The following WSCD1 variants were observed in gnomAD, a reference collection of about 807,000 sequenced individuals.
WSCD1 encodes the protein sialate:O-sulfotransferase 1.
In WSCD1, 41 loss-of-function variants were observed where a neutral mutation model predicts 60.4. The ratio of observed to expected loss-of-function variants is 0.68; its 90% CI spans 0.53 to 0.88. The LOEUF is 0.88. WSCD1 is among the 40% of genes least tolerant of loss of function. The pLI, the probability that WSCD1 is intolerant of heterozygous loss-of-function variation, is 0.00. For synonymous variants in WSCD1, 361 were observed against 332.5 expected, an observed-to-expected ratio of 1.09 and a Z score of -0.93; for missense variants, 784 against 796.2, an observed-to-expected ratio of 0.98 and a Z score of 0.18.
chr17:6,102,442 A>G (rs1452891588), intron 5 of WSCD1, among the ~76,000 whole-genome samples: 3 of 152,350 alleles, frequency 2.0e-5, no homozygotes, highest in Non-Finnish European at 2.9e-5. Context: ...TCCAAGAGCT[A>G]TTGGATATGC....
intron 7 of WSCD1, among the ~76,000 whole-genome samples, chr17:6,114,442 G>A (rs1911586857): frequency 6.6e-6 from 1 of 151,878 alleles, no homozygotes; most frequent in Non-Finnish European, 1.5e-5. Flanking sequence ...TAGCACTGTA[G>A]GGTGACTACA....
rs193071009 is a variant in WSCD1 at position 6,120,919 on chromosome 17, G to A, written c.*258G>A. The A allele has an allele frequency of 1.3e-4, 70 of 520,300 alleles. No homozygotes were observed. Among genetic ancestry groups the A allele is most frequent in the East Asian group, 6.4e-4 (20 of 31,062 alleles). The allele number at this position is 520,300 out of a possible 1,614,324, so 32.2% of individuals were successfully genotyped here. On this transcript the variant is annotated 3_prime_UTR_variant, in exon 9 of 9. Coordinates refer to ENST00000317744, the MANE Select transcript of WSCD1 (RefSeq NM_015253.2). ...GACACCACTCCAGGCTCATAGCCCC[G>A]TCTTGATGCAGAGAAGCCACCCACG... is the stretch of plus-strand genomic sequence containing the variant.
chr17:6,109,357 A>G (rs183549365), intron 5 of WSCD1, among the ~76,000 whole-genome samples: 4 of 152,292 alleles, frequency 2.6e-5, no homozygotes, highest in Non-Finnish European at 2.9e-5. Flanking sequence ...TTGTCAAGGA[A>G]CCAACCAAGT....
At chr17:6,119,949 T>G (rs1409865498) in intron 8 of WSCD1, among the ~76,000 whole-genome samples, 3 of 152,226 alleles carry the variant, frequency 2.0e-5, no homozygotes, top group Non-Finnish European at 4.4e-5. Context: ...ACCCCGTCTG[T>G]GGCTTCACTG....
chr17:6,086,117 C>G (rs1300974582), intron 2 of WSCD1, among the ~76,000 whole-genome samples: 2 of 151,764 alleles, frequency 1.3e-5, no homozygotes, highest in African/African-American at 4.8e-5. Flanking sequence ...GTCCGAGGGT[C>G]TCCTGGGTCC....
Position 6,120,371 on chromosome 17 carries a change from A to G in WSCD1, c.1438A>G (p.Lys480Glu). The G allele has an allele frequency of 5.0e-6, 8 of 1,614,088 alleles. No homozygotes were observed. The highest frequency in any genetic ancestry group is 1.6e-4 in the Middle Eastern group (1 of 6,062). ...GTCCTCGCACGTCCTGGACTGGCTC[A>G]AGTACGGGAAGCGGCTGCTGGTGGT... ...WWSSHVLDWL[K>E]YGKRLLVVHY... is the part of the protein sequence containing the mutation. Residue 480 changes from lysine to glutamate, a missense_variant, in exon 9 of 9, where the codon AAG becomes GAG. Coordinates refer to ENST00000317744, the MANE Select transcript of WSCD1 (RefSeq NM_015253.2).
At position 6,110,771 on chromosome 17, in the gene WSCD1, A is replaced by G. The variant is rs1235995570; in HGVS notation, c.1010A>G (p.Asp337Gly). ...YCEVYQTPVQDTRCTDRRFLP... is the reference protein window; with the variant it reads ...YCEVYQTPVQGTRCTDRRFLP... Reference sequence around the variant, plus strand: ...CCCGTGATGACTTTTGGACTTTCAGACACTCGTTGTACAGACAGGAGGTTC... The same window carrying G: ...CCCGTGATGACTTTTGGACTTTCAGGCACTCGTTGTACAGACAGGAGGTTC... Residue 337 changes from aspartate (D) to glycine (G), a missense_variant and splice_region_variant, in exon 7 of 9, where the codon GAC (aspartate) becomes GGC (glycine). Asp to Gly is a moderately conservative substitution (Grantham distance 94, BLOSUM62 -1). Transcript: ENST00000317744. This position sits in a 1 kb window ranked among gnomAD's most constrained non-coding sequence, Gnocchi z 4.8. The G allele has an allele frequency of 1.9e-6, 3 of 1,607,702 alleles. No homozygotes were observed. Among genetic ancestry groups the G allele is most frequent in the Non-Finnish European group, 2.6e-6 (3 of 1,175,118 alleles).
intron 1 of WSCD1, among the ~76,000 whole-genome samples, chr17:6,074,647 A>G (rs1908737515): frequency 6.6e-6 from 1 of 152,222 alleles, no homozygotes; most frequent in African/African-American, 2.4e-5. Flanking sequence ...GCTTCATGGA[A>G]GAGGAGGCAT....
rs1409967491 is a variant in WSCD1, at chr17:6,118,100, G to A, written c.1287G>A (p.Arg429=). Residue 429 remains arginine (R), a synonymous_variant, in exon 8 of 9, where the codon CGG becomes CGA. Coordinates refer to ENST00000317744, the MANE Select transcript of WSCD1 (RefSeq NM_015253.2). This position sits in a 1 kb window ranked among gnomAD's most constrained non-coding sequence, Gnocchi z 5.8. ...EMFDSAILLI[R]NPYRSLVAEF... is the part of the protein sequence containing the mutation. ...TTGATTCAGCCATCCTGCTAATCCG[G>A]AACCCATACAGGTCCCTGGTGGCAG... The A allele has an allele frequency of 6.2e-7, 1 of 1,614,054 alleles. No individual in the cohort carries two copies. The highest frequency in any genetic ancestry group is 8.5e-7 in the Non-Finnish European group (1 of 1,180,040).
chr17:6,077,413 G>A (rs1437939117), intron 1 of WSCD1, among the ~76,000 whole-genome samples: 2 of 152,076 alleles, frequency 1.3e-5, no homozygotes, highest in African/African-American at 2.4e-5. Context: ...CAGTCTACCC[G>A]CAATGAGTTT....
chr17:6,098,033 C>T (rs557080494), intron 5 of WSCD1, among the ~76,000 whole-genome samples: 2 of 151,426 alleles, frequency 1.3e-5, no homozygotes, highest in Admixed American at 6.6e-5. Flanking sequence ...TCACTGTAGC[C>T]TCTGGCTCCT....
intron 7 of WSCD1, among the ~76,000 whole-genome samples, chr17:6,113,785 A>C (rs7216388): frequency 0.86 from 131,393 of 152,168 alleles, 58,108 homozygotes; most frequent in East Asian, 0.99. Context: ...CAAAACCACA[A>C]TGAGATATCA....
Position 6,118,060 on chromosome 17 carries a change from G to A in WSCD1, c.1247G>A (p.Arg416Lys). ...GTCAAAACCCACGAGAGTGGCAGGA[G>A]GGAGATTGAGATGTTTGATTCAGCC... ...ICVKTHESGR[R>K]EIEMFDSAIL... The change falls in exon 8 of 9, where the codon AGG (arginine) becomes AAG (lysine). Residue 416 changes from arginine (R) to lysine (K), a missense_variant. Physicochemically the swap from Arg to Lys is conservative, Grantham distance 26. Transcript: ENST00000317744. This position sits in a 1 kb window ranked among gnomAD's most constrained non-coding sequence, Gnocchi z 5.8. 1 of 1,614,210 alleles carries A rather than the reference G, an allele frequency of 6.2e-7. No homozygotes were observed. Among genetic ancestry groups the A allele is most frequent in the African/African-American group, 1.3e-5 (1 of 75,050 alleles).
intron 1 of WSCD1, among the ~76,000 whole-genome samples, chr17:6,074,471 G>A (rs1360351955): frequency 6.6e-6 from 1 of 152,248 alleles, no homozygotes; most frequent in African/African-American, 2.4e-5. Flanking sequence ...GGTGGGCAGA[G>A]GCACTGACTG....
intron 5 of WSCD1, among the ~76,000 whole-genome samples, chr17:6,095,477 T>C (rs1434174577): frequency 6.6e-6 from 1 of 152,180 alleles, no homozygotes; most frequent in Non-Finnish European, 1.5e-5. Flanking sequence ...GAGAGTGCCT[T>C]TCTGGATGCG....
chr17:6,116,126 A>G (rs1270774236), intron 7 of WSCD1, among the ~76,000 whole-genome samples: 1 of 152,154 alleles, frequency 6.6e-6, no homozygotes, highest in South Asian at 2.1e-4. Context: ...CCACATGAGC[A>G]CATGGCCCTG....
At chr17:6,107,206 C>T (rs1052337187) in intron 5 of WSCD1, among the ~76,000 whole-genome samples, 2 of 152,158 alleles carry the variant, frequency 1.3e-5, no homozygotes, top group Non-Finnish European at 2.9e-5. Flanking sequence ...TAGATTAGGG[C>T]CTACCCTGAT....
intron 2 of WSCD1, chr17:6,084,872 T>A (rs922543611): frequency 6.6e-5 from 10 of 151,988 alleles, no homozygotes; most frequent in Admixed American, 2.0e-4. Flanking sequence ...TGTCGGGGAG[T>A]TAGAAAAGCT....
At chr17:6,107,718 T>C (rs1443813577) in intron 5 of WSCD1, among the ~76,000 whole-genome samples, 1 of 150,918 alleles carries the variant, frequency 6.6e-6, no homozygotes, top group Non-Finnish European at 1.5e-5. Context: ...TGGTGTGGAA[T>C]GAGGTGGGAT....
Sources: allele counts gnomAD v4.1 joint callset (sites outside exome capture counted in the v4.1 genomes callset), GRCh38; gene constraint gnomAD v4.1.1; non-coding constraint Gnocchi (gnomAD v3.1); transcripts MANE v1.5; gene names NCBI Gene and HGNC (gene_info 2026-07-23, HGNC 2026-07-21).